Variants in MAD1L1 observed in about 807,000 individuals in gnomAD.
MAD1L1 encodes mitotic spindle assembly checkpoint protein MAD1.
In MAD1L1, 95 loss-of-function variants were observed where a neutral mutation model predicts 96.9. That is an observed-to-expected ratio of 0.98 (90% confidence interval 0.83 to 1.16). The LOEUF is 1.16. Among genes scored for constraint, MAD1L1 ranks in the 50% most tolerant of loss-of-function variants. MAD1L1 has a pLI of 0.00. For synonymous variants in MAD1L1, 473 were observed against 396.6 expected (o/e 1.19, Z -2.29); for missense variants, 1,007 against 954.4 (o/e 1.06, Z -0.73).
At chr7:2,149,466 G>A (rs1368433893) in intron 10 of MAD1L1, among the ~76,000 whole-genome samples, 3 of 152,120 alleles carry the variant, frequency 2.0e-5, no homozygotes, top group East Asian at 1.9e-4. Flanking sequence ...AGAAAGCCCC[G>A]ATTTTACTTC....
intron 17 of MAD1L1, among the ~76,000 whole-genome samples, chr7:1,916,871 G>A (rs1438333824): frequency 6.6e-6 from 1 of 152,086 alleles, no homozygotes; most frequent in African/African-American, 2.4e-5. Context: ...CATCTCCCGA[G>A]CCAGCGAGAA....
Position 2,149,368 on chromosome 7 carries a change from T to A in MAD1L1, c.987-130A>T, listed in dbSNP as rs1022147967. On this transcript the variant is annotated intron_variant, in intron 10 of 18. Coordinates refer to ENST00000265854, the MANE Select transcript of MAD1L1 (RefSeq NM_001013836.2). Reference sequence around the variant, plus strand: ...TGGGACCCAGGATGTGTGAACTCTGTGGACCCAGGTCCAGGGCAGCATGCA... The same window carrying A: ...TGGGACCCAGGATGTGTGAACTCTGAGGACCCAGGTCCAGGGCAGCATGCA... The A allele has an allele frequency of 4.0e-5, 30 of 741,132 alleles. No individual in the cohort carries two copies. The African/African-American group carries it at 5.2e-4, about 13-fold the overall frequency. The allele number at this position is 741,132 out of a possible 1,614,324, so 45.9% of individuals were successfully genotyped here.
chr7:1,862,989 G>A (rs1784602892), intron 18 of MAD1L1, among the ~76,000 whole-genome samples: 3 of 152,362 alleles, frequency 2.0e-5, no homozygotes, highest in Non-Finnish European at 4.4e-5. Context: ...CACATGTGTT[G>A]GGGAGACCCA....
intron 12 of MAD1L1, among the ~76,000 whole-genome samples, chr7:2,046,947 G>A (rs760907393): frequency 1.6e-4 from 25 of 152,240 alleles, no homozygotes; most frequent in Non-Finnish European, 1.5e-5. Context: ...CCCCTGGGCT[G>A]AGCGCACCCA....
intron 11 of MAD1L1, among the ~76,000 whole-genome samples, chr7:2,135,505 A>C (rs1216458337): frequency 6.6e-6 from 1 of 152,242 alleles, no homozygotes; most frequent in Non-Finnish European, 1.5e-5. Flanking sequence ...TTTAATTTCC[A>C]AAGATGGTAA....
intron 11 of MAD1L1, among the ~76,000 whole-genome samples, chr7:2,111,201 C>T (rs548214230): frequency 9.2e-5 from 14 of 152,332 alleles, no homozygotes; most frequent in African/African-American, 2.4e-4. Flanking sequence ...TCGCTCCCCC[C>T]ACACCATGCG....
chr7:2,098,522 C>T (rs1358268929), intron 11 of MAD1L1, among the ~76,000 whole-genome samples: 1 of 152,210 alleles, frequency 6.6e-6, no homozygotes, highest in Non-Finnish European at 1.5e-5. Context: ...AGCAGTCACC[C>T]AAGCCATCAT....
chr7:1,875,329 C>T (rs551813103), intron 18 of MAD1L1, among the ~76,000 whole-genome samples: 230 of 152,282 alleles, frequency 1.5e-3, no homozygotes, highest in African/African-American at 4.8e-3. Flanking sequence ...AAGCAGAAGC[C>T]GAGAGACCAA....
intron 13 of MAD1L1, among the ~76,000 whole-genome samples, chr7:2,003,819 G>A (rs1284494314): frequency 1.3e-5 from 2 of 152,174 alleles, no homozygotes; most frequent in Admixed American, 6.5e-5. Flanking sequence ...GGGCTGTGTG[G>A]ACCCCACACT....
chr7:1,902,600 C>A (rs1441364546), intron 17 of MAD1L1, among the ~76,000 whole-genome samples: 3 of 152,274 alleles, frequency 2.0e-5, no homozygotes, highest in African/African-American at 7.2e-5. Context: ...TGCCTGTCCA[C>A]TTCCGCCCTT....
rs79837726 is a variant in MAD1L1, at chr7:2,146,188, G to A, written c.1073+2964C>T. ...GCTCGGCCTGAGGCACAAGCATTCC[G>A]AGATGCTGCCACGTGAGCTACCCCA... On this transcript the variant is annotated intron_variant, in intron 11 of 18. Coordinates refer to ENST00000265854, the MANE Select transcript of MAD1L1 (RefSeq NM_001013836.2). This position sits in a 1 kb window ranked among gnomAD's most constrained non-coding sequence, Gnocchi z 6.2. 9.7e-3 allele frequency among the ~76,000 whole-genome samples: 1,482 copies of A among 152,306 alleles called. 22 individuals carry two copies. The highest frequency in any genetic ancestry group is 0.034 in the African/African-American group (1,417 of 41,552).
chr7:2,079,481 C>T (rs376227586), intron 11 of MAD1L1, among the ~76,000 whole-genome samples: 4 of 152,214 alleles, frequency 2.6e-5, no homozygotes, highest in Non-Finnish European at 4.4e-5. Flanking sequence ...CCTGGCCTCC[C>T]GGTCACTTCT....
intron 18 of MAD1L1, among the ~76,000 whole-genome samples, chr7:1,886,876 G>A (rs1355974455): frequency 2.0e-5 from 3 of 152,264 alleles, no homozygotes; most frequent in Non-Finnish European, 4.4e-5. Flanking sequence ...GCAGCTCCCT[G>A]GGGACAGTTG....
chr7:1,840,811 C>T (rs1465142110), intron 18 of MAD1L1, among the ~76,000 whole-genome samples: 3 of 152,252 alleles, frequency 2.0e-5, no homozygotes, highest in African/African-American at 7.2e-5. Context: ...CATGCGGTTT[C>T]TCTGCCTACT....
At position 2,025,347 on chromosome 7, in the gene MAD1L1, C is replaced by T. The variant is rs183328264; in HGVS notation, c.1219-10705G>A. The stretch of plus-strand genomic sequence containing the variant: ...AACAGTGAGACTGACAGCTTGTTTC[C>T]GAGCAGAACCAATGGGAGTCAAAAG... On this transcript the variant is annotated intron_variant, in intron 12 of 18. Transcript: ENST00000265854. Among the ~76,000 whole-genome samples, 28 of 152,240 alleles carry T rather than the reference C, an allele frequency of 1.8e-4. No homozygotes were observed. The East Asian group carries it at 4.0e-3, about 22-fold the overall frequency.
chr7:1,946,610 C>T (rs879485191), intron 16 of MAD1L1, among the ~76,000 whole-genome samples: 1 of 152,264 alleles, frequency 6.6e-6, no homozygotes, highest in Non-Finnish European at 1.5e-5. Flanking sequence ...AGCGAGCAGG[C>T]GCTCTGGTGC....
chr7:2,045,622 A>G (rs1783885201), intron 12 of MAD1L1, among the ~76,000 whole-genome samples: 1 of 152,084 alleles, frequency 6.6e-6, no homozygotes, highest in Non-Finnish European at 1.5e-5. Context: ...CCTTTATTAA[A>G]GCTTAGTACA....
chr7:1,974,394 G>C (rs960093718), intron 15 of MAD1L1, among the ~76,000 whole-genome samples: 1 of 152,222 alleles, frequency 6.6e-6, no homozygotes, highest in Admixed American at 6.5e-5. Flanking sequence ...TAGAGCAACA[G>C]AGAACAGGGT....
In MAD1L1 at chr7:2,058,520, AGAGGC is replaced by A. The variant is rs768013297; in HGVS notation, c.1218+10669_1218+10673del. 2.5e-3 allele frequency among the ~76,000 whole-genome samples: 207 copies of A among 82,580 alleles called. 2 individuals carry two copies. The highest frequency in any genetic ancestry group is 5.2e-3 in the South Asian group (7 of 1,334). The allele number at this position is 82,580 out of a possible 152,430, so 54.2% of individuals were successfully genotyped here. A position where few individuals can be genotyped will look rare whatever the true frequency, so the allele number is the denominator to read the frequency against. The stretch of plus-strand genomic sequence containing the variant: ...AGAGGGAGTGTGGCCAGAGGAGAGG[AGAGGC>A]GCAGGGCTGGAGAGGGAGTGTGGCC... On this transcript the variant is annotated intron_variant, in intron 12 of 18. Coordinates refer to ENST00000265854, the MANE Select transcript of MAD1L1 (RefSeq NM_001013836.2).
Sources: allele counts gnomAD v4.1 joint callset (sites outside exome capture counted in the v4.1 genomes callset), GRCh38; gene constraint gnomAD v4.1.1; non-coding constraint Gnocchi (gnomAD v3.1); transcripts MANE v1.5; gene names NCBI Gene and HGNC (gene_info 2026-07-23, HGNC 2026-07-21).